Variants in PDE3A observed in about 807,000 individuals in gnomAD.
The protein encoded by PDE3A is phosphodiesterase 3A.
A neutral mutation model predicts 98.3 loss-of-function variants in PDE3A; 43 were observed. That is an observed-to-expected ratio of 0.44 (90% confidence interval 0.34 to 0.56). The LOEUF is 0.56. Among genes scored for constraint, PDE3A ranks in the 20% least tolerant of loss-of-function variants. The pLI is 0.01. For synonymous variants in PDE3A, 663 were observed against 567.9 expected (o/e 1.17, Z -2.38); for missense variants, 1,427 against 1,440.7 (o/e 0.99, Z 0.15).
chr12:20,435,568 A>C (rs143359000), intron 1 of PDE3A, among the ~76,000 whole-genome samples: 55 of 152,300 alleles, frequency 3.6e-4, no homozygotes, highest in African/African-American at 1.3e-3. Flanking sequence ...ATTATGGACA[A>C]GCTCTAGATT....
chr12:20,583,387 T>G (rs951680994), intron 2 of PDE3A, among the ~76,000 whole-genome samples: 2 of 152,256 alleles, frequency 1.3e-5, no homozygotes, highest in African/African-American at 4.8e-5. Context: ...ATTTCTATAC[T>G]GACCTCAAGT....
intron 3 of PDE3A, among the ~76,000 whole-genome samples, chr12:20,614,491 A>T (rs1943951010): frequency 6.6e-6 from 1 of 152,100 alleles, no homozygotes; most frequent in South Asian, 2.1e-4. Context: ...TGCTGTTGTG[A>T]GTCTCTTCTC....
chr12:20,584,905 G>A (rs970621984), intron 2 of PDE3A, among the ~76,000 whole-genome samples: 11 of 152,026 alleles, frequency 7.2e-5, no homozygotes, highest in Admixed American at 1.3e-4. Context: ...GTTATTAAAA[G>A]AAAAATAAGT....
At position 20,386,043 on chromosome 12, in the gene PDE3A, TATATATAA is replaced by T. The variant is rs1324065377; in HGVS notation, c.960+15807_960+15814del. On this transcript the variant is annotated intron_variant, in intron 1 of 15. Transcript: ENST00000359062. The stretch of plus-strand genomic sequence containing the variant: ...AATATATATATAAATATATATAAAA[TATATATAA>T]ATATATATAAATATATATAAAATAT... Among the ~76,000 whole-genome samples, 66 of 35,960 alleles carry T rather than the reference TATATATAA, an allele frequency of 1.8e-3. 1 individual carries two copies. Among genetic ancestry groups the T allele is most frequent in the East Asian group, 0.011 (11 of 986 alleles). 23.6% of individuals were successfully genotyped at this position (35,960 alleles called of 152,430 possible).
At chr12:20,428,004 G>A (rs1033725931) in intron 1 of PDE3A, among the ~76,000 whole-genome samples, 2 of 151,976 alleles carry the variant, frequency 1.3e-5, no homozygotes, top group Non-Finnish European at 2.9e-5. Flanking sequence ...AGGAGGTCAG[G>A]AGTAATCCCA....
At chr12:20,413,171 T>A (rs1944364408) in intron 1 of PDE3A, among the ~76,000 whole-genome samples, 1 of 152,246 alleles carries the variant, frequency 6.6e-6, no homozygotes, top group Non-Finnish European at 1.5e-5. Context: ...GATTTTACTT[T>A]GTCTATGGGA....
At chr12:20,465,491 A>T (rs1348818818) in intron 1 of PDE3A, among the ~76,000 whole-genome samples, 1 of 152,060 alleles carries the variant, frequency 6.6e-6, no homozygotes, top group Non-Finnish European at 1.5e-5. Context: ...GCTCACTGCA[A>T]CCTTTGCCTG....
intron 2 of PDE3A, among the ~76,000 whole-genome samples, chr12:20,604,964 C>G (rs1943675751): frequency 6.6e-6 from 1 of 152,080 alleles, no homozygotes; most frequent in Non-Finnish European, 1.5e-5. Context: ...GTTGAAAAGC[C>G]TTTAGGTGTG....
At chr12:20,423,885 A>T (rs868631920) in intron 1 of PDE3A, among the ~76,000 whole-genome samples, 4 of 151,818 alleles carry the variant, frequency 2.6e-5, no homozygotes, top group African/African-American at 9.7e-5. Context: ...AGGTAGATTT[A>T]AAAAAAAATT....
intron 13 of PDE3A, among the ~76,000 whole-genome samples, 198 bp from the exon 14 acceptor site, chr12:20,650,246 TA>T (rs1944885692): frequency 1.2e-5 from 1 of 82,352 alleles, no homozygotes; most frequent in Admixed American, 1.1e-4. Flanking sequence ...CATAATTCGT[TA>T]TTTTACTTTT....
intron 15 of PDE3A, among the ~76,000 whole-genome samples, chr12:20,668,509 G>T (rs1297971648): frequency 1.3e-5 from 2 of 152,216 alleles, no homozygotes; most frequent in Admixed American, 6.5e-5. Context: ...TCTGAGAACA[G>T]GCAGACTGCC....
At chr12:20,632,639 C>G (rs1008153313) in intron 6 of PDE3A, among the ~76,000 whole-genome samples, 2 of 151,916 alleles carry the variant, frequency 1.3e-5, no homozygotes, top group Admixed American at 1.3e-4. Flanking sequence ...TCCTCCAACA[C>G]CCTCTGTTAG....
chr12:20,384,775 TGTG>T (rs1391184418), intron 1 of PDE3A, among the ~76,000 whole-genome samples: 4 of 152,046 alleles, frequency 2.6e-5, no homozygotes, highest in Admixed American at 2.0e-4. Context: ...AGTGAAAACA[TGTG>T]GTGTTTGGTT....
intron 2 of PDE3A, among the ~76,000 whole-genome samples, chr12:20,566,497 G>A (rs1187098651): frequency 1.3e-5 from 2 of 150,830 alleles, no homozygotes; most frequent in Admixed American, 6.7e-5. Flanking sequence ...TAGTATCAGC[G>A]ATACACACTT....
intron 12 of PDE3A, among the ~76,000 whole-genome samples, 160 bp downstream of exon 12, chr12:20,647,110 T>C (rs1160864310): frequency 1.3e-5 from 2 of 152,192 alleles, no homozygotes; most frequent in Non-Finnish European, 2.9e-5. Context: ...AAAGAAGCCA[T>C]GGATTCTTCC....
At chr12:20,493,397 G>A (rs1429522441) in intron 1 of PDE3A, among the ~76,000 whole-genome samples, 2 of 151,954 alleles carry the variant, frequency 1.3e-5, no homozygotes, top group Non-Finnish European at 2.9e-5. Context: ...AACTTACATA[G>A]CATTTACATT....
intron 1 of PDE3A, among the ~76,000 whole-genome samples, chr12:20,483,992 C>A (rs892482938): frequency 7.9e-5 from 12 of 152,268 alleles, no homozygotes; most frequent in African/African-American, 2.2e-4. Flanking sequence ...TTCCTTTACT[C>A]CTCCCATATC....
At chr12:20,517,122 C>G (rs1946335923) in intron 1 of PDE3A, among the ~76,000 whole-genome samples, 1 of 152,192 alleles carries the variant, frequency 6.6e-6, no homozygotes, top group Admixed American at 6.5e-5. Context: ...TTCATACTTT[C>G]CAATGCGGTT....
chr12:20,599,017 G>GAATT lies in PDE3A; in HGVS notation c.1012-14424_1012-14421dup, dbSNP rs1355945573. Among the ~76,000 whole-genome samples the GAATT allele has an allele frequency of 7.2e-5, 11 of 152,278 alleles. No individual in the cohort carries two copies. The East Asian group carries it at 1.9e-3, about 27-fold the overall frequency. ...TTCGTCATTCAGTTACCAACTGATA[G>GAATT]AATTAGAAATCTTTGTCTTTCATTA... On this transcript the variant is annotated intron_variant, in intron 2 of 15. Coordinates refer to ENST00000359062, the MANE Select transcript of PDE3A (RefSeq NM_000921.5).
Sources: allele counts gnomAD v4.1 joint callset (sites outside exome capture counted in the v4.1 genomes callset), GRCh38; gene constraint gnomAD v4.1.1; transcripts MANE v1.5; gene names NCBI Gene and HGNC (gene_info 2026-07-23, HGNC 2026-07-21).